FHIP1A: variants seen among roughly 807,000 people sequenced by gnomAD.
FHIP1A encodes the protein FHF complex subunit HOOK-interacting protein 1A.
In FHIP1A, 61 loss-of-function variants were observed where a neutral mutation model predicts 88.6. That is an observed-to-expected ratio of 0.69 (90% CI 0.56 to 0.85). FHIP1A has a LOEUF of 0.85. Ranked by LOEUF, FHIP1A falls within the 40% of genes least tolerant of loss-of-function variation. The pLI is 0.00. For missense variants in FHIP1A, 1,154 were observed against 1,273.5 expected, an observed-to-expected ratio of 0.91 and a Z score of 1.43; for synonymous variants, 478 against 496.0, an observed-to-expected ratio of 0.96 and a Z score of 0.48.
intron 3 of FHIP1A, among the ~76,000 whole-genome samples, chr4:151,498,413 C>T (rs1003011162): frequency 2.6e-5 from 4 of 152,056 alleles, no homozygotes; most frequent in Admixed American, 2.0e-4. Flanking sequence ...TTGGAAGAGG[C>T]GAGTTGTAAA....
intron 3 of FHIP1A, among the ~76,000 whole-genome samples, chr4:151,565,744 A>G (rs1444372613): frequency 6.6e-6 from 1 of 151,640 alleles, no homozygotes; most frequent in African/African-American, 2.4e-5. Flanking sequence ...TGGTGCAAAA[A>G]TAATTGCGGT....
intron 1 of FHIP1A, among the ~76,000 whole-genome samples, chr4:151,438,522 CA>C (rs1728289259): frequency 6.8e-6 from 1 of 146,224 alleles, no homozygotes; most frequent in African/African-American, 2.5e-5. Context: ...AACAAAAAAA[CA>C]AAACAAAACA....
chr4:151,431,428 T>G (rs1329447106), intron 1 of FHIP1A, among the ~76,000 whole-genome samples: 1 of 152,214 alleles, frequency 6.6e-6, no homozygotes, highest in Non-Finnish European at 1.5e-5. Context: ...AAATCATTCT[T>G]AAGCTGGGGT....
intron 3 of FHIP1A, among the ~76,000 whole-genome samples, chr4:151,517,218 C>T (rs991845196): frequency 3.3e-5 from 5 of 151,826 alleles, no homozygotes; most frequent in Admixed American, 6.6e-5. Flanking sequence ...AACCAAACAC[C>T]GCATATTCTC....
At chr4:151,448,324 G>A (rs1216229839) in intron 1 of FHIP1A, among the ~76,000 whole-genome samples, 1 of 152,124 alleles carries the variant, frequency 6.6e-6, no homozygotes, top group African/African-American at 2.4e-5. Context: ...TAACACAAAT[G>A]AGCATTTTAA....
At chr4:151,518,962 C>T (rs888579463) in intron 3 of FHIP1A, among the ~76,000 whole-genome samples, 1 of 152,012 alleles carries the variant, frequency 6.6e-6, no homozygotes, top group Non-Finnish European at 1.5e-5. Context: ...CTCGAGCCAC[C>T]GCACCTAGCT....
intron 3 of FHIP1A, among the ~76,000 whole-genome samples, chr4:151,498,567 G>A (rs1314303365): frequency 1.3e-5 from 2 of 152,162 alleles, no homozygotes; most frequent in East Asian, 3.9e-4. Context: ...TGTAATCCTA[G>A]CACTTTGGGA....
chr4:151,476,200 G>A lies in FHIP1A; in HGVS notation c.-247-6324G>A, dbSNP rs540489316. Among the ~76,000 whole-genome samples the A allele has an allele frequency of 6.2e-5, 9 of 145,596 alleles. No individual in the cohort carries two copies. The South Asian group carries it at 2.0e-3, about 32-fold the overall frequency. ...TTTTTTGCCCAGGCTGGAGCGCAGT[G>A]GCAAGATCATGGCTCACTGTGGCCT... On this transcript the variant is annotated intron_variant, in intron 2 of 13. Transcript: ENST00000435205.
At chr4:151,584,755 T>C (rs1734144213) in intron 5 of FHIP1A, among the ~76,000 whole-genome samples, 1 of 152,178 alleles carries the variant, frequency 6.6e-6, no homozygotes, top group African/African-American at 2.4e-5. Context: ...AATTCTGCAC[T>C]CTAACAATAC....
chr4:151,643,389 CTG>C (rs1736665950), intron 9 of FHIP1A, among the ~76,000 whole-genome samples: 2 of 152,092 alleles, frequency 1.3e-5, no homozygotes, highest in Admixed American at 1.3e-4. Flanking sequence ...CATGCGTGCA[CTG>C]TGTAATAATC....
In FHIP1A at chr4:151,666,962, C is replaced by T. The variant is rs1283996846; in HGVS notation, c.*4208C>T. On this transcript the variant is annotated 3_prime_UTR_variant, in exon 14 of 14. Transcript: ENST00000435205. The stretch of plus-strand genomic sequence containing the variant: ...CGTGGTGTTCAGTATCTGCATATGC[C>T]CCAGTTCTCATTTAAGGGCAGTTCA... Among the ~76,000 whole-genome samples, 1 of 152,140 alleles carries T rather than the reference C, an allele frequency of 6.6e-6. No homozygotes were observed. The highest frequency in any genetic ancestry group is 1.5e-5 in the Non-Finnish European group (1 of 68,020).
chr4:151,615,406 C>CT (rs1320531983), intron 7 of FHIP1A, among the ~76,000 whole-genome samples: 4 of 152,162 alleles, frequency 2.6e-5, no homozygotes, highest in Non-Finnish European at 5.9e-5. Flanking sequence ...CCATTTTACT[C>CT]TATCAAGGTG....
In FHIP1A at chr4:151,629,867, C is replaced by T. The variant is rs369099144; in HGVS notation, c.1144C>T (p.Arg382Trp). 456 of 1,550,448 alleles carry T rather than the reference C, an allele frequency of 2.9e-4. No individual in the cohort carries two copies. Among genetic ancestry groups the T allele is most frequent in the South Asian group, 4.6e-4 (39 of 83,942 alleles). The change falls in exon 8 of 14, where the codon CGG becomes TGG. Residue 382 changes from arginine (R) to tryptophan (W), a missense_variant and splice_region_variant. Coordinates refer to ENST00000435205, the MANE Select transcript of FHIP1A (RefSeq NM_001109977.3). ...TLTSRINTPF[R>W]LCVVSLALFR... ...CACGAGTCGAATCAACACCCCGTTT[C>T]GGGTAAGGAGAGCGCCAGAGGAAGG...
At chr4:151,523,124 C>T (rs1426893257) in intron 3 of FHIP1A, among the ~76,000 whole-genome samples, 1 of 152,118 alleles carries the variant, frequency 6.6e-6, no homozygotes, top group Admixed American at 6.5e-5. Flanking sequence ...TCATTTGGAC[C>T]ACATGGATCT....
intron 3 of FHIP1A, among the ~76,000 whole-genome samples, chr4:151,535,299 G>A (rs938235110): frequency 3.9e-5 from 6 of 152,198 alleles, no homozygotes; most frequent in African/African-American, 9.6e-5. Context: ...GCCACGAGCA[G>A]ATTGGTTAAA....
intron 6 of FHIP1A, 150 bp downstream of exon 6, chr4:151,586,949 G>A: frequency 1.8e-6 from 1 of 553,340 alleles, no homozygotes; most frequent in Middle Eastern, 4.3e-4. Context: ...GTCCTTGAAT[G>A]AGTGAAAATG....
intron 7 of FHIP1A, among the ~76,000 whole-genome samples, chr4:151,597,774 T>G (rs909222260): frequency 6.6e-6 from 1 of 152,198 alleles, no homozygotes; most frequent in African/African-American, 2.4e-5. Context: ...GCAGATTTGC[T>G]GAGCTGCGGA....
chr4:151,641,813 A>G (rs796735925), intron 9 of FHIP1A, among the ~76,000 whole-genome samples: 2 of 152,256 alleles, frequency 1.3e-5, no homozygotes, highest in South Asian at 4.1e-4. Flanking sequence ...GACATAAAAA[A>G]TAGATTTATA....
At chr4:151,658,931 T>C (rs1192882001) in intron 13 of FHIP1A, among the ~76,000 whole-genome samples, 1 of 151,976 alleles carries the variant, frequency 6.6e-6, no homozygotes, top group African/African-American at 2.4e-5. Flanking sequence ...AGGAGATGAG[T>C]GTACACACTG....
Sources: allele counts gnomAD v4.1 joint callset (sites outside exome capture counted in the v4.1 genomes callset), GRCh38; gene constraint gnomAD v4.1.1; transcripts MANE v1.5; gene names NCBI Gene and HGNC (gene_info 2026-07-23, HGNC 2026-07-21).